Variants in SLC39A11 observed in about 807,000 individuals in gnomAD.
The protein encoded by SLC39A11 is zinc transporter ZIP11.
Under a neutral mutation model 36.1 loss-of-function variants are expected in SLC39A11, and 33 were observed. The ratio of observed to expected loss-of-function variants is 0.91; its 90% CI spans 0.69 to 1.22. SLC39A11 has a LOEUF of 1.22. SLC39A11 is among the 50% of genes most tolerant of loss of function. The pLI is 0.00. For missense variants in SLC39A11, 432 were observed against 430.3 expected (o/e 1.00, Z -0.03); for synonymous variants, 166 against 170.3 (o/e 0.97, Z 0.20).
At chr17:72,942,772 C>A (rs909959008) in intron 5 of SLC39A11, among the ~76,000 whole-genome samples, 1 of 152,136 alleles carries the variant, frequency 6.6e-6, no homozygotes. Context: ...ATAGCGAGAA[C>A]CAGCTGCTTC....
chr17:73,078,543 A>C (rs371959198), intron 3 of SLC39A11, among the ~76,000 whole-genome samples: 3 of 151,526 alleles, frequency 2.0e-5, no homozygotes, highest in African/African-American at 7.3e-5. Flanking sequence ...CTGGAGTGCA[A>C]TGGCGCAATC....
At chr17:72,928,277 G>C (rs2147373066) in intron 5 of SLC39A11, among the ~76,000 whole-genome samples, 1 of 152,308 alleles carries the variant, frequency 6.6e-6, no homozygotes, top group East Asian at 1.9e-4. Context: ...GAGAGCAGTT[G>C]GCTCCATGAA....
intron 3 of SLC39A11, among the ~76,000 whole-genome samples, chr17:73,073,381 T>TCC (rs1047627735): frequency 6.6e-6 from 1 of 151,938 alleles, no homozygotes; most frequent in Non-Finnish European, 1.5e-5. Context: ...AGAGGGACCC[T>TCC]CCCCCATGTC....
intron 6 of SLC39A11, among the ~76,000 whole-genome samples, chr17:72,835,901 AAG>A (rs2078520211): frequency 6.6e-6 from 1 of 152,214 alleles, no homozygotes; most frequent in South Asian, 2.1e-4. Context: ...TCCAGGATCC[AAG>A]TCTTGGCCTT....
intron 7 of SLC39A11, among the ~76,000 whole-genome samples, chr17:72,696,556 C>T (rs17780310): frequency 0.25 from 38,386 of 151,948 alleles, 6,038 homozygotes; most frequent in Admixed American, 0.41. Flanking sequence ...CGCTCAAAAG[C>T]GCCCAGGTGT....
intron 3 of SLC39A11, among the ~76,000 whole-genome samples, chr17:73,048,699 G>T (rs1454636155): frequency 6.6e-6 from 1 of 152,188 alleles, no homozygotes; most frequent in African/African-American, 2.4e-5. Flanking sequence ...TTATCTCCTA[G>T]GGTGGTGGTA....
intron 7 of SLC39A11, among the ~76,000 whole-genome samples, chr17:72,699,979 C>A (rs1338711964): frequency 6.6e-6 from 1 of 152,164 alleles, no homozygotes; most frequent in African/African-American, 2.4e-5. Flanking sequence ...CAGGAGCTGG[C>A]CTCCTCCAGA....
chr17:73,003,838 C>T (rs1258599332), intron 4 of SLC39A11, among the ~76,000 whole-genome samples: 1 of 152,114 alleles, frequency 6.6e-6, no homozygotes, highest in Non-Finnish European at 1.5e-5. Context: ...ATAATCTCAG[C>T]ACTTTGGGAG....
intron 6 of SLC39A11, among the ~76,000 whole-genome samples, chr17:72,740,621 G>A (rs187548664): frequency 3.3e-5 from 5 of 152,246 alleles, no homozygotes; most frequent in Non-Finnish European, 7.4e-5. Context: ...TGTGGGTCCC[G>A]TGCTGTTATT....
At position 72,772,772 on chromosome 17, in the gene SLC39A11, G is replaced by A. The variant is rs2075993153; in HGVS notation, c.602-36053C>T. Among the ~76,000 whole-genome samples the A allele has an allele frequency of 2.0e-5, 3 of 152,160 alleles. No individual in the cohort carries two copies. In the South Asian group the frequency reaches 6.2e-4, roughly 32 times the overall value. On this transcript the variant is annotated intron_variant, in intron 6 of 9. Transcript: ENST00000255559. ...TAGAAAGGAGGATCCAAAGATTAGA[G>A]AAGGGAGAGAGGAAAGAGAGAAATG...
chr17:72,677,947 C>G (rs2144259849), intron 7 of SLC39A11, among the ~76,000 whole-genome samples: 1 of 152,292 alleles, frequency 6.6e-6, no homozygotes, highest in Non-Finnish European at 1.5e-5. Context: ...ATCCAGTGCT[C>G]CCGTGTTCTC....
chr17:72,684,504 A>G lies in SLC39A11; in HGVS notation c.672-35236T>C, dbSNP rs62069510. 6.9e-3 allele frequency among the ~76,000 whole-genome samples: 1,054 copies of G among 152,342 alleles called. 5 individuals carry two copies. Among genetic ancestry groups the G allele is most frequent in the Non-Finnish European group, 0.012 (788 of 68,038 alleles). On this transcript the variant is annotated intron_variant, in intron 7 of 9. Coordinates refer to ENST00000255559, the MANE Select transcript of SLC39A11 (RefSeq NM_139177.4). The stretch of plus-strand genomic sequence containing the variant: ...CCTGCTAGCACCGACCACAGTGACC[A>G]AGGATAACGCATCGTGCTTTCCTCT...
chr17:72,922,143 C>A (rs530128861), intron 5 of SLC39A11, among the ~76,000 whole-genome samples: 1 of 152,282 alleles, frequency 6.6e-6, no homozygotes, highest in East Asian at 1.9e-4. Context: ...AGAACAAGAA[C>A]CTCTAAACAA....
Position 72,900,187 on chromosome 17 carries a change from A to AGG in SLC39A11, c.430+47564_430+47565insCC, listed in dbSNP as rs1358493604. On this transcript the variant is annotated intron_variant, in intron 5 of 9. Coordinates refer to ENST00000255559, the MANE Select transcript of SLC39A11 (RefSeq NM_139177.4). ...AAAGAAAGAAAGAAAGAAAGAAAGA[A>AGG]AGAAAGAAAGAAAGAAAGAAAGAAA... 5.5e-4 allele frequency among the ~76,000 whole-genome samples: 82 copies of AGG among 148,704 alleles called. 12 individuals are homozygous for AGG. Among genetic ancestry groups the AGG allele is most frequent in the African/African-American group, 2.0e-3 (78 of 39,296 alleles).
chr17:73,075,885 C>G (rs1043446956), intron 3 of SLC39A11, among the ~76,000 whole-genome samples: 1 of 152,104 alleles, frequency 6.6e-6, no homozygotes, highest in African/African-American at 2.4e-5. Flanking sequence ...CCATGTGATA[C>G]TGAATTTATT....
At chr17:73,025,037 G>C (rs2058486938) in intron 4 of SLC39A11, among the ~76,000 whole-genome samples, 1 of 151,994 alleles carries the variant, frequency 6.6e-6, no homozygotes, top group Non-Finnish European at 1.5e-5. Context: ...CATATTCAAA[G>C]TACACACGCA....
intron 6 of SLC39A11, among the ~76,000 whole-genome samples, chr17:72,740,272 A>G (rs1767381745): frequency 6.6e-6 from 1 of 151,874 alleles, no homozygotes; most frequent in Non-Finnish European, 1.5e-5. Context: ...ACACCGTGTT[A>G]GCCAGGATGG....
intron 7 of SLC39A11, among the ~76,000 whole-genome samples, chr17:72,703,283 G>A (rs1245654403): frequency 2.0e-5 from 3 of 152,164 alleles, no homozygotes; most frequent in Non-Finnish European, 2.9e-5. Context: ...TAAACCCTGT[G>A]CATCAAAGCC....
chr17:73,092,660 A>C lies in SLC39A11; in HGVS notation c.-61T>G, dbSNP rs2060965382. 2.0e-5 allele frequency: 3 copies of C among 151,168 alleles called. No individual in the cohort carries two copies. The highest frequency in any genetic ancestry group is 7.4e-5 in the African/African-American group (3 of 40,744). 9.4% of individuals were successfully genotyped at this position (151,168 alleles called of 1,614,324 possible). A position where few individuals can be genotyped will look rare whatever the true frequency, so the allele number is the denominator to read the frequency against. ...TGCACTTCCATCAGCCCCCGCTGCC[A>C]CTCTCTCGCCGGCTCCACTCCCGCA... On this transcript the variant is annotated 5_prime_UTR_variant, in exon 1 of 10. Coordinates refer to ENST00000255559, the MANE Select transcript of SLC39A11 (RefSeq NM_139177.4).
Sources: allele counts gnomAD v4.1 joint callset (sites outside exome capture counted in the v4.1 genomes callset), GRCh38; gene constraint gnomAD v4.1.1; transcripts MANE v1.5; gene names NCBI Gene and HGNC (gene_info 2026-07-23, HGNC 2026-07-21).